ME1: variants seen among roughly 807,000 people sequenced by gnomAD.
The protein encoded by ME1 is malic enzyme 1.
In ME1, 74 loss-of-function variants were observed where a neutral mutation model predicts 66.4. The ratio of observed to expected loss-of-function variants is 1.11; its 90% CI spans 0.92 to 1.35. ME1 has a LOEUF of 1.35. Among genes scored for constraint, ME1 ranks in the 40% most tolerant of loss-of-function variants. The pLI, the probability that ME1 is intolerant of heterozygous loss-of-function variation, is 0.00. For synonymous variants in ME1, 251 were observed against 235.6 expected (o/e 1.07, Z -0.60); for missense variants, 750 against 694.1 (o/e 1.08, Z -0.90).
intron 6 of ME1, among the ~76,000 whole-genome samples, chr6:83,306,933 G>A (rs1411586029): frequency 6.6e-6 from 1 of 152,044 alleles, no homozygotes; most frequent in Non-Finnish European, 1.5e-5. Flanking sequence ...AGGAATGGTG[G>A]AATTAATGCA....
intron 1 of ME1, among the ~76,000 whole-genome samples, chr6:83,430,056 A>G (rs1338908983): frequency 6.6e-6 from 1 of 152,194 alleles, no homozygotes; most frequent in Non-Finnish European, 1.5e-5. Context: ...ATCACCAGTG[A>G]AGGAAAATGA....
intron 3 of ME1, among the ~76,000 whole-genome samples, chr6:83,381,710 C>G (rs549425572): frequency 6.6e-6 from 1 of 152,100 alleles, no homozygotes; most frequent in Non-Finnish European, 1.5e-5. Flanking sequence ...TTAAGAGGAT[C>G]AAGTGCATTC....
intron 11 of ME1, among the ~76,000 whole-genome samples, chr6:83,224,796 G>GGAAGAA (rs147781324): frequency 6.6e-6 from 1 of 151,662 alleles, no homozygotes; most frequent in South Asian, 2.1e-4. Context: ...GAATTGGCAA[G>GGAAGAA]GAAGAAGAAG....
At chr6:83,280,353 A>G (rs1767264512) in intron 6 of ME1, among the ~76,000 whole-genome samples, 1 of 152,182 alleles carries the variant, frequency 6.6e-6, no homozygotes, top group African/African-American at 2.4e-5. Flanking sequence ...GAAGAACTGG[A>G]AATACTCTGT....
intron 2 of ME1, among the ~76,000 whole-genome samples, chr6:83,406,041 G>C (rs59774754): frequency 1.3e-5 from 2 of 152,098 alleles, no homozygotes; most frequent in Admixed American, 6.6e-5. Context: ...AACATGAAGC[G>C]ATGTTTAATT....
intron 11 of ME1, among the ~76,000 whole-genome samples, chr6:83,225,352 A>T (rs2128523631): frequency 6.6e-6 from 1 of 152,192 alleles, no homozygotes; most frequent in East Asian, 1.9e-4. Flanking sequence ...GGAATCAGAA[A>T]CCCTAAACAA....
chr6:83,429,408 A>T (rs1770439542), intron 1 of ME1, among the ~76,000 whole-genome samples: 1 of 152,170 alleles, frequency 6.6e-6, no homozygotes, highest in Admixed American at 6.5e-5. Flanking sequence ...AGGTTATACA[A>T]CTCATGTGGT....
At chr6:83,293,558 A>C (rs996752063) in intron 6 of ME1, among the ~76,000 whole-genome samples, 33 of 152,202 alleles carry the variant, frequency 2.2e-4, no homozygotes, top group African/African-American at 7.7e-4. Context: ...TGTTTTACTG[A>C]AACTGAAGAT....
intron 4 of ME1, among the ~76,000 whole-genome samples, chr6:83,349,015 A>AACAAAC (rs746037012): frequency 8.1e-6 from 1 of 124,026 alleles, no homozygotes; most frequent in Non-Finnish European, 1.7e-5. Context: ...AAAACAAAAA[A>AACAAAC]CAGTGCATTC....
chr6:83,300,658 A>C (rs1398500822), intron 6 of ME1, among the ~76,000 whole-genome samples: 1 of 127,888 alleles, frequency 7.8e-6, no homozygotes, highest in African/African-American at 3.1e-5. Flanking sequence ...CAGGATCTAG[A>C]ACTAGAAATA....
At chr6:83,377,622 T>A (rs1385678816) in intron 3 of ME1, among the ~76,000 whole-genome samples, 1 of 151,948 alleles carries the variant, frequency 6.6e-6, no homozygotes, top group East Asian at 1.9e-4. Context: ...CTCCCAAATA[T>A]ATAATATAAT....
At chr6:83,412,180 A>G (rs1195624999) in intron 1 of ME1, among the ~76,000 whole-genome samples, 3 of 152,204 alleles carry the variant, frequency 2.0e-5, no homozygotes, top group Non-Finnish European at 4.4e-5. Context: ...ACAATCCTTA[A>G]TATTTCCAAT....
intron 6 of ME1, among the ~76,000 whole-genome samples, chr6:83,297,489 C>A (rs1767620799): frequency 6.6e-6 from 1 of 152,166 alleles, no homozygotes; most frequent in African/African-American, 2.4e-5. Context: ...CACGAAAAAA[C>A]CTGAATAGCC....
intron 11 of ME1, among the ~76,000 whole-genome samples, chr6:83,225,205 C>CG (rs1386353254): frequency 3.4e-3 from 137 of 40,504 alleles, no homozygotes; most frequent in Non-Finnish European, 6.6e-3. Context: ...GACTCCATCT[C>CG]AAAAAAAAAA....
At position 83,211,980 on chromosome 6, in the gene ME1, CA is replaced by C; in HGVS notation, c.1662del (p.Asp555IlefsTer45). On this transcript the variant is annotated frameshift_variant, in exon 14 of 14. Transcript: ENST00000369705. LOFTEE classifies it high-confidence loss of function. ...ACCTCTTCAGGCCAAGAATAACAAT[CA>C]GGTAGAATCTGGTCATAATCAGTAC... ...MYSTDYDQIL[P>X]DCYSWPEEVQ... The C allele has an allele frequency of 6.2e-7, 1 of 1,609,160 alleles. No homozygotes were observed. The highest frequency in any genetic ancestry group is 8.5e-7 in the Non-Finnish European group (1 of 1,177,170).
intron 6 of ME1, among the ~76,000 whole-genome samples, chr6:83,295,314 G>A (rs1767577759): frequency 6.6e-6 from 1 of 152,136 alleles, no homozygotes; most frequent in Non-Finnish European, 1.5e-5. Flanking sequence ...ACACAGAGAT[G>A]AGAAAAAACC....
At chr6:83,289,714 C>T (rs893506062) in intron 6 of ME1, among the ~76,000 whole-genome samples, 8 of 152,130 alleles carry the variant, frequency 5.3e-5, no homozygotes, top group African/African-American at 1.9e-4. Context: ...ATGGTACCAG[C>T]TCCTCTTTGT....
chr6:83,278,575 G>C (rs1325369053), intron 6 of ME1, among the ~76,000 whole-genome samples: 1 of 151,822 alleles, frequency 6.6e-6, no homozygotes, highest in South Asian at 2.1e-4. Context: ...TCAACTAACT[G>C]TGATTATGGA....
chr6:83,211,982 G>A lies in ME1; in HGVS notation c.1661C>T (p.Pro554Leu). ...MYSTDYDQIL[P>L]DCYSWPEEVQ... ...CTCTTCAGGCCAAGAATAACAATCA[G>A]GTAGAATCTGGTCATAATCAGTACT... is the stretch of plus-strand genomic sequence containing the variant. Residue 554 changes from proline to leucine, a missense_variant, in exon 14 of 14, where the codon CCT (proline) becomes CTT (leucine). Coordinates refer to ENST00000369705, the MANE Select transcript of ME1 (RefSeq NM_002395.6). 2.5e-6 allele frequency: 4 copies of A among 1,610,556 alleles called. No homozygotes were observed. Among genetic ancestry groups the A allele is most frequent in the Non-Finnish European group, 3.4e-6 (4 of 1,177,858 alleles).
Sources: allele counts gnomAD v4.1 joint callset (sites outside exome capture counted in the v4.1 genomes callset), GRCh38; gene constraint gnomAD v4.1.1; transcripts MANE v1.5; gene names NCBI Gene and HGNC (gene_info 2026-07-23, HGNC 2026-07-21).